ANXA8: variants seen among roughly 807,000 people sequenced by gnomAD.
ANXA8 encodes the protein VAC-beta.
ANXA8 carries 9 observed loss-of-function variants against 26.8 expected under a neutral mutation model. The observed-to-expected ratio is 0.34, with a 90% confidence interval of 0.20 to 0.59. ANXA8 has a LOEUF of 0.59. Ranked by LOEUF, ANXA8 falls within the 20% of genes least tolerant of loss-of-function variation. The pLI is 0.84. For synonymous variants in ANXA8, 39 were observed against 94.8 expected, an observed-to-expected ratio of 0.41 and a Z score of 3.42; for missense variants, 83 against 238.5, an observed-to-expected ratio of 0.35 and a Z score of 4.29.
chr10:47,596,985 T>TG, the ANXA8 span, among the ~76,000 whole-genome samples: 3 of 148,852 alleles, frequency 2.0e-5, no homozygotes, highest in Middle Eastern at 3.2e-3. Context: ...ATATATCTGA[T>TG]GAACATAGAT....
the ANXA8 span, among the ~76,000 whole-genome samples, chr10:47,552,713 G>A: frequency 6.6e-6 from 1 of 151,784 alleles, no homozygotes; most frequent in South Asian, 2.1e-4. Flanking sequence ...TGGAATATCG[G>A]GCTGCATAAA....
the ANXA8 span, among the ~76,000 whole-genome samples, chr10:47,528,358 G>C: frequency 1.1e-3 from 154 of 135,210 alleles, 16 homozygotes; most frequent in African/African-American, 4.0e-3. Context: ...GATTACAGGC[G>C]TGAGCCACTG....
the ANXA8 span, among the ~76,000 whole-genome samples, chr10:47,981,223 G>A: frequency 6.6e-6 from 1 of 151,178 alleles, no homozygotes; most frequent in Non-Finnish European, 1.5e-5. Context: ...AATAGATGCA[G>A]AAAAAACATT....
the ANXA8 span, among the ~76,000 whole-genome samples, chr10:47,902,126 G>A: frequency 6.6e-6 from 1 of 151,780 alleles, no homozygotes; most frequent in African/African-American, 2.4e-5. Flanking sequence ...TAGCCAACTT[G>A]GTAGCCTGTT....
chr10:47,552,485 C>A, the ANXA8 span, among the ~76,000 whole-genome samples: 6,560 of 110,376 alleles, frequency 0.059, no homozygotes, highest in South Asian at 0.1. Context: ...CCAATAGGAT[C>A]GCAGTATTAC....
chr10:47,502,224 C>A, the ANXA8 span: 2 of 1,572,882 alleles, frequency 1.3e-6, no homozygotes, highest in South Asian at 1.1e-5. Context: ...GGACCACATT[C>A]CCCTTGCGGC....
the ANXA8 span, among the ~76,000 whole-genome samples, chr10:47,573,939 G>T: frequency 6.7e-6 from 1 of 148,588 alleles, no homozygotes; most frequent in South Asian, 2.1e-4. Flanking sequence ...ATCACATCTT[G>T]TTCAAAGAAG....
the ANXA8 span, among the ~76,000 whole-genome samples, chr10:47,974,845 T>G: frequency 1.3e-5 from 2 of 149,930 alleles, 1 homozygote; most frequent in Non-Finnish European, 3.0e-5. Flanking sequence ...ATGTTCTGTG[T>G]ACAGATAGGA....
At chr10:47,940,815 G>A in the ANXA8 span, among the ~76,000 whole-genome samples, 1 of 140,584 alleles carries the variant, frequency 7.1e-6, no homozygotes, top group Non-Finnish European at 1.5e-5. Flanking sequence ...GCGACAGAGT[G>A]AGATTCCATC....
At chr10:47,873,151 GCCTCTCA>G in the ANXA8 span, among the ~76,000 whole-genome samples, 1 of 109,736 alleles carries the variant, frequency 9.1e-6, no homozygotes, top group African/African-American at 3.3e-5. Context: ...CTGGGAAGCC[GCCTCTCA>G]CCTCCGAAGG....
the ANXA8 span, chr10:47,690,389 TA>T: frequency 7.4e-7 from 1 of 1,359,194 alleles, no homozygotes; most frequent in Non-Finnish European, 1.0e-6. Context: ...AAGCAGCAGT[TA>T]AGAAGGTCTC....
chr10:47,686,854 G>A, the ANXA8 span, among the ~76,000 whole-genome samples: 78 of 151,878 alleles, frequency 5.1e-4, 1 homozygote, highest in African/African-American at 1.9e-3. Context: ...ATAACAAAAT[G>A]GTTGGAGTAG....
In ANXA8 at chr10:47,475,173, T is replaced by C. The variant is rs1244437246; in HGVS notation, c.493-169A>G. On this transcript the variant is annotated intron_variant, in intron 6 of 11. Coordinates refer to ENST00000585281, the MANE Select transcript of ANXA8 (RefSeq NM_001040084.3). ...GCCCTTGGTTTCCTCATTTGTACAA[T>C]GGGGGTGGTAAGGACTGCCTCATAA... Among the ~76,000 whole-genome samples the C allele has an allele frequency of 2.0e-3, 285 of 143,076 alleles. 1 individual carries two copies. Among genetic ancestry groups the C allele is most frequent in the East Asian group, 5.3e-3 (17 of 3,190 alleles). 93.9% of individuals were successfully genotyped at this position (143,076 alleles called of 152,430 possible).
the ANXA8 span, among the ~76,000 whole-genome samples, chr10:47,732,807 C>T: frequency 1.4e-5 from 2 of 142,820 alleles, no homozygotes; most frequent in African/African-American, 2.6e-5. Context: ...ACCCTGCAGA[C>T]GTTCGCTGAA....
chr10:47,644,789 T>C, the ANXA8 span, among the ~76,000 whole-genome samples: 1 of 151,022 alleles, frequency 6.6e-6, no homozygotes, highest in Non-Finnish European at 1.5e-5. Flanking sequence ...TCATTTTTCA[T>C]GTGTTTGACA....
chr10:47,487,123 A>G, upstream of ANXA8: 1 of 1,385,296 alleles, frequency 7.2e-7, no homozygotes, highest in Non-Finnish European at 9.7e-7. Context: ...ATAAATACTT[A>G]AGTGTACACC....
At chr10:47,572,263 G>GTT in the ANXA8 span, among the ~76,000 whole-genome samples, 1 of 146,920 alleles carries the variant, frequency 6.8e-6, no homozygotes, top group South Asian at 2.2e-4. Context: ...CCTATGTAAA[G>GTT]TTCTGCAGGA....
chr10:47,565,439 C>A, the ANXA8 span: 1 of 452,724 alleles, frequency 2.2e-6, no homozygotes, highest in Non-Finnish European at 3.9e-6. Context: ...CTCCTTCTCT[C>A]TGGACATCAA....
the ANXA8 span, among the ~76,000 whole-genome samples, chr10:47,603,738 T>C: frequency 6.2e-5 from 9 of 146,038 alleles, 1 homozygote; most frequent in East Asian, 1.7e-3. Flanking sequence ...TTTGAACTCC[T>C]GACCTCAGAT....
Sources: gnomAD v4.1 joint callset for allele counts (sites outside exome capture counted in the v4.1 genomes callset) on GRCh38, gnomAD v4.1.1 for gene constraint, MANE v1.5 for transcripts, NCBI Gene and HGNC (gene_info 2026-07-23, HGNC 2026-07-21) for gene names.